The following RBPMS variants were observed in gnomAD, a reference collection of about 807,000 sequenced individuals.
RBPMS encodes the protein RNA binding protein, mRNA processing factor, also known as RNA-binding protein with multiple splicing.
A neutral mutation model predicts 26.8 loss-of-function variants in RBPMS; 7 were observed. The ratio of observed to expected loss-of-function variants is 0.26; its 90% confidence interval spans 0.15 to 0.49. RBPMS has a LOEUF of 0.49. RBPMS is among the 20% of genes least tolerant of loss of function. RBPMS has a pLI of 0.98. For synonymous variants in RBPMS, 96 were observed against 93.3 expected, an observed-to-expected ratio of 1.03 and a Z score of -0.17; for missense variants, 186 against 250.0, an observed-to-expected ratio of 0.74 and a Z score of 1.73.
intron 5 of RBPMS, among the ~76,000 whole-genome samples, chr8:30,543,747 T>C (rs1319286062): frequency 6.6e-6 from 1 of 152,158 alleles, no homozygotes; most frequent in Admixed American, 6.5e-5. Flanking sequence ...CAGCCTGACC[T>C]GGGTGGAATT....
intron 5 of RBPMS, among the ~76,000 whole-genome samples, chr8:30,539,071 G>GT (rs1347206953): frequency 3.3e-5 from 5 of 152,190 alleles, no homozygotes. Flanking sequence ...ACTTGCTGAG[G>GT]TATGTGAGTG....
At chr8:30,551,760 T>C (rs1171853478) in intron 6 of RBPMS, among the ~76,000 whole-genome samples, 1 of 152,172 alleles carries the variant, frequency 6.6e-6, no homozygotes, top group Non-Finnish European at 1.5e-5. Context: ...GGGACTCAGT[T>C]TTTTAAATCA....
chr8:30,503,610 G>A (rs1394395824), intron 4 of RBPMS, among the ~76,000 whole-genome samples: 1 of 151,774 alleles, frequency 6.6e-6, no homozygotes, highest in Non-Finnish European at 1.5e-5. Context: ...GAGGGGGCGG[G>A]GGATGCTTTG....
chr8:30,502,686 G>A (rs1425821460), intron 4 of RBPMS, among the ~76,000 whole-genome samples: 1 of 152,162 alleles, frequency 6.6e-6, no homozygotes, highest in African/African-American at 2.4e-5. Flanking sequence ...CAGTTCTTAG[G>A]TCCATTCTTG....
intron 1 of RBPMS, among the ~76,000 whole-genome samples, chr8:30,451,529 A>T (rs1563331493): frequency 6.6e-6 from 1 of 152,138 alleles, no homozygotes; most frequent in Non-Finnish European, 1.5e-5. Flanking sequence ...TATTATCTCC[A>T]CTGTCCCCTG....
At chr8:30,476,377 G>A (rs555593066) in intron 2 of RBPMS, among the ~76,000 whole-genome samples, 5 of 152,290 alleles carry the variant, frequency 3.3e-5, no homozygotes, top group Admixed American at 3.3e-4. Flanking sequence ...TTTTACTTGA[G>A]TGAAATATCC....
At chr8:30,472,312 G>A (rs894608026) in intron 1 of RBPMS, among the ~76,000 whole-genome samples, 6 of 152,166 alleles carry the variant, frequency 3.9e-5, no homozygotes, top group African/African-American at 1.4e-4. Flanking sequence ...GATGAAAAGG[G>A]TACATACTCT....
intron 1 of RBPMS, among the ~76,000 whole-genome samples, chr8:30,434,370 C>T (rs1268495000): frequency 2.0e-5 from 3 of 151,948 alleles, no homozygotes; most frequent in Non-Finnish European, 4.4e-5. Context: ...TATCATTGGT[C>T]TTTTGTGAAC....
intron 4 of RBPMS, among the ~76,000 whole-genome samples, chr8:30,498,685 C>T (rs1338316609): frequency 6.6e-6 from 1 of 151,970 alleles, no homozygotes; most frequent in Non-Finnish European, 1.5e-5. Flanking sequence ...ATAGTGGTAT[C>T]GGTTAGCAAT....
At chr8:30,416,115 T>C (rs555015990) in intron 1 of RBPMS, among the ~76,000 whole-genome samples, 1 of 152,322 alleles carries the variant, frequency 6.6e-6, no homozygotes, top group South Asian at 2.1e-4. Context: ...ACCCTAGCGA[T>C]GTTCCCTGTT....
At chr8:30,477,707 G>C (rs867442055) in intron 2 of RBPMS, 92 bp from the exon 3 acceptor site, 1 of 859,188 alleles carries the variant, frequency 1.2e-6, no homozygotes, top group East Asian at 2.4e-5. Context: ...TGTAGGAGGA[G>C]TTAGGTAATC....
At position 30,439,879 on chromosome 8, in the gene RBPMS, A is replaced by G. The variant is rs150126520; in HGVS notation, c.67-34900A>G. Among the ~76,000 whole-genome samples the G allele has an allele frequency of 4.5e-3, 689 of 151,974 alleles. 7 individuals are homozygous for G. The highest frequency in any genetic ancestry group is 0.016 in the African/African-American group (655 of 41,442). ...GTTGCCCAGGCTGTGCTTATTTTTT[A>G]TAATTAAAAAAAAATTAAAGCCAGG... On this transcript the variant is annotated intron_variant, in intron 1 of 8. Transcript: ENST00000397323.
At chr8:30,447,805 G>C (rs1374326083) in intron 1 of RBPMS, among the ~76,000 whole-genome samples, 1 of 151,866 alleles carries the variant, frequency 6.6e-6, no homozygotes, top group African/African-American at 2.4e-5. Context: ...CTTTATATCA[G>C]TAATGGAGAT....
intron 5 of RBPMS, among the ~76,000 whole-genome samples, chr8:30,529,644 T>C (rs924823966): frequency 6.6e-6 from 1 of 152,202 alleles, no homozygotes; most frequent in Admixed American, 6.5e-5. Context: ...TCTAGAGACA[T>C]CATATAAGTG....
chr8:30,563,563 G>A (rs1827666400), intron 7 of RBPMS, among the ~76,000 whole-genome samples: 1 of 152,300 alleles, frequency 6.6e-6, no homozygotes, highest in South Asian at 2.1e-4. Context: ...CGGGACCAGA[G>A]CCCAGAAATT....
intron 6 of RBPMS, among the ~76,000 whole-genome samples, chr8:30,557,903 T>G (rs1827097920): frequency 6.6e-6 from 1 of 152,246 alleles, no homozygotes; most frequent in Admixed American, 6.5e-5. Context: ...TTTCATTCAT[T>G]GCCCAGAATG....
intron 6 of RBPMS, chr8:30,556,931 T>A (rs1258651720): frequency 4.2e-6 from 1 of 239,814 alleles, no homozygotes; most frequent in Non-Finnish European, 6.5e-6. Context: ...CTGAACACAC[T>A]TCTAATTTCC....
intron 1 of RBPMS, among the ~76,000 whole-genome samples, chr8:30,413,585 A>G (rs1028856642): frequency 6.6e-6 from 1 of 152,106 alleles, no homozygotes; most frequent in Non-Finnish European, 1.5e-5. Context: ...GAGCATCAAG[A>G]AAGTGGCACA....
At position 30,544,597 on chromosome 8, in the gene RBPMS, C is replaced by A. The variant is rs1371840779; in HGVS notation, c.501C>A (p.Phe167Leu). The change falls in exon 6 of 9, where the codon TTC (phenylalanine) becomes TTA (leucine). Residue 167 changes from phenylalanine (F) to leucine (L), a missense_variant. By Grantham distance (22) the Phe-to-Leu change is conservative. Coordinates refer to ENST00000397323, the MANE Select transcript of RBPMS (RefSeq NM_001008710.3). ...CGCCTGCTCTACCTCCTCCTGCTTT[C>A]ACCTATCCCGCTTCACTGCATGCCC... Reference protein sequence around the residue: ...ELAPALPPPAFTYPASLHAQM... With the variant: ...ELAPALPPPALTYPASLHAQM... 6.2e-7 allele frequency: 1 copy of A among 1,614,074 alleles called. No individual in the cohort carries two copies. The highest frequency in any genetic ancestry group is 1.3e-5 in the African/African-American group (1 of 74,926).
Sources: allele counts gnomAD v4.1 joint callset (sites outside exome capture counted in the v4.1 genomes callset), GRCh38; gene constraint gnomAD v4.1.1; transcripts MANE v1.5; gene names NCBI Gene and HGNC (gene_info 2026-07-23, HGNC 2026-07-21).